Variants in PDPK1 observed in about 807,000 individuals in gnomAD.
PDPK1 encodes the protein 3-phosphoinositide-dependent protein kinase 1.
PDPK1 carries 7 observed loss-of-function variants against 39.8 expected under a neutral mutation model. The ratio of observed to expected loss-of-function variants is 0.18; its 90% CI spans 0.10 to 0.33. The LOEUF (loss-of-function observed/expected upper bound fraction) is 0.33, where lower values mean the gene tolerates loss of function less well. Among genes scored for constraint, PDPK1 ranks in the 10% least tolerant of loss-of-function variants. The pLI is 1.00. For synonymous variants in PDPK1, 118 were observed against 159.1 expected, an observed-to-expected ratio of 0.74 and a Z score of 1.95; for missense variants, 182 against 384.7, an observed-to-expected ratio of 0.47 and a Z score of 4.41.
At chr16:2,589,189 C>T (rs954210967) in intron 11 of PDPK1, among the ~76,000 whole-genome samples, 3 of 152,162 alleles carry the variant, frequency 2.0e-5, no homozygotes, top group Non-Finnish European at 4.4e-5. Flanking sequence ...CTCCTGACCT[C>T]GAGTGATCTG....
At chr16:2,587,475 T>A (rs2141994792) in intron 11 of PDPK1, among the ~76,000 whole-genome samples, 1 of 152,338 alleles carries the variant, frequency 6.6e-6, no homozygotes, top group South Asian at 2.1e-4. Context: ...TTTTTTGAGG[T>A]ACTTTGTGTC....
intron 1 of PDPK1, among the ~76,000 whole-genome samples, chr16:2,544,390 G>T (rs544572248): frequency 2.0e-5 from 3 of 152,334 alleles, no homozygotes; most frequent in East Asian, 1.9e-4. Context: ...GGTGAATAAG[G>T]TAGGTCTGGC....
intron 11 of PDPK1, chr16:2,592,892 C>T (rs774042653): frequency 1.2e-4 from 53 of 456,452 alleles, no homozygotes; most frequent in Middle Eastern, 9.7e-4. Context: ...GGGTGGGTGG[C>T]GCCTGTCCGT....
At position 2,598,075 on chromosome 16, in the gene PDPK1, G is replaced by C; in HGVS notation, c.*308G>C. On this transcript the variant is annotated 3_prime_UTR_variant, in exon 14 of 14. Transcript: ENST00000342085. ...ATGCACGTCAACCCAGTCCCGCCCA[G>C]ACTAGTGGACAGACCTGGTGTCACC... 1 of 439,884 alleles carries C rather than the reference G, an allele frequency of 2.3e-6. No individual in the cohort carries two copies. The highest frequency in any genetic ancestry group is 4.1e-6 in the Non-Finnish European group (1 of 242,324). The allele number at this position is 439,884 out of a possible 1,614,324, so 27.2% of individuals were successfully genotyped here.
intron 7 of PDPK1, among the ~76,000 whole-genome samples, chr16:2,577,755 T>C (rs1185711852): frequency 1.3e-5 from 2 of 149,878 alleles, no homozygotes; most frequent in South Asian, 2.1e-4. Flanking sequence ...TTTTTTGTTT[T>C]TTGAGACGGA....
chr16:2,594,951 C>G (rs986556325), intron 11 of PDPK1, among the ~76,000 whole-genome samples: 2 of 152,102 alleles, frequency 1.3e-5, no homozygotes, highest in African/African-American at 4.8e-5. Context: ...GAAACCCCGT[C>G]TCTACTAAAG....
intron 1 of PDPK1, among the ~76,000 whole-genome samples, chr16:2,545,073 G>A (rs1164062283): frequency 7.1e-6 from 1 of 141,264 alleles, no homozygotes; most frequent in Non-Finnish European, 1.5e-5. Context: ...ATCTCGTGCT[G>A]TTGCCCAGGC....
At chr16:2,592,498 A>G in intron 11 of PDPK1, 1 of 323,192 alleles carries the variant, frequency 3.1e-6, no homozygotes, top group South Asian at 2.4e-5. Flanking sequence ...ACATGGTGAA[A>G]CCCTGTCTCT....
At chr16:2,596,641 A>T (rs1419425675) in intron 12 of PDPK1, among the ~76,000 whole-genome samples, 1 of 152,224 alleles carries the variant, frequency 6.6e-6, no homozygotes, top group African/African-American at 2.4e-5. Flanking sequence ...CTACAGTAGA[A>T]CGTCAGATCA....
intron 11 of PDPK1, chr16:2,592,933 G>A (rs775545190): frequency 1.3e-5 from 6 of 456,720 alleles, no homozygotes; most frequent in South Asian, 9.3e-5. Context: ...CGTGGTGCTG[G>A]CGTGTTCTGT....
chr16:2,595,463 G>A (rs2067081544), intron 11 of PDPK1, among the ~76,000 whole-genome samples: 1 of 152,204 alleles, frequency 6.6e-6, no homozygotes, highest in Non-Finnish European at 1.5e-5. Context: ...GCTTTGTTAA[G>A]GCAGCAATGA....
rs963753162 is a variant in PDPK1, at chr16:2,596,035, G to A, written c.1401+185G>A. 1.7e-4 allele frequency among the ~76,000 whole-genome samples: 26 copies of A among 152,218 alleles called. 1 individual carries two copies. The highest frequency in any genetic ancestry group is 2.4e-5 in the African/African-American group (1 of 41,448). On this transcript the variant is annotated intron_variant, in intron 12 of 13. Coordinates refer to ENST00000342085, the MANE Select transcript of PDPK1 (RefSeq NM_002613.5). ...AGAGAAGCCATGTGGAGCCACACGCGTAGGCGGTTAGGGCAGTGCAGAAGC... is the reference window on the plus strand; with the variant it reads ...AGAGAAGCCATGTGGAGCCACACGCATAGGCGGTTAGGGCAGTGCAGAAGC...
intron 1 of PDPK1, chr16:2,538,596 T>C (rs1202173101): frequency 3.1e-6 from 4 of 1,288,290 alleles, no homozygotes; most frequent in Non-Finnish European, 4.0e-6. Flanking sequence ...AAGCACCTGA[T>C]GCTCCTGGGC....
At position 2,599,147 on chromosome 16, in the gene PDPK1, T is replaced by C. The variant is rs967816457; in HGVS notation, c.*1380T>C. 9 of 233,128 alleles carry C rather than the reference T, an allele frequency of 3.9e-5. No individual in the cohort carries two copies. In the East Asian group the frequency reaches 5.4e-4, roughly 14 times the overall value. 14.4% of individuals were successfully genotyped at this position (233,128 alleles called of 1,614,324 possible). A position where few individuals can be genotyped will look rare whatever the true frequency, so the allele number is the denominator to read the frequency against. ...GCCTAGCTACTCCCCAGGTAGAGAG[T>C]GCTCCTGGTGGCCTGGCAGGTCTGG... On this transcript the variant is annotated 3_prime_UTR_variant, in exon 14 of 14. Coordinates refer to ENST00000342085, the MANE Select transcript of PDPK1 (RefSeq NM_002613.5).
intron 12 of PDPK1, among the ~76,000 whole-genome samples, chr16:2,596,584 T>C (rs1318718519): frequency 6.6e-6 from 1 of 152,230 alleles, no homozygotes; most frequent in Non-Finnish European, 1.5e-5. Context: ...TGCTCAGGTA[T>C]TTATTTGGTC....
Position 2,598,046 on chromosome 16 carries a change from C to T in PDPK1, c.*279C>T, listed in dbSNP as rs1196503225. ...TGCCCTCGTTGCCGTGGGGACCCAG[C>T]TCCATGCACGTCAACCCAGTCCCGC... On this transcript the variant is annotated 3_prime_UTR_variant, in exon 14 of 14. Transcript: ENST00000342085. 3 of 496,910 alleles carry T rather than the reference C, an allele frequency of 6.0e-6. No individual in the cohort carries two copies. The highest frequency in any genetic ancestry group is 1.1e-5 in the Non-Finnish European group (3 of 275,454). 30.8% of individuals were successfully genotyped at this position (496,910 alleles called of 1,614,324 possible). A position where few individuals can be genotyped will look rare whatever the true frequency, so the allele number is the denominator to read the frequency against.
At chr16:2,558,362 G>C (rs1327437624) in intron 2 of PDPK1, among the ~76,000 whole-genome samples, 165 of 149,130 alleles carry the variant, frequency 1.1e-3, no homozygotes, top group African/African-American at 3.9e-3. Context: ...TATCTCTCCA[G>C]GGTTTTTGGG....
chr16:2,547,254 C>T (rs1221491498), intron 1 of PDPK1, among the ~76,000 whole-genome samples: 1 of 146,698 alleles, frequency 6.8e-6, no homozygotes, highest in Non-Finnish European at 1.5e-5. Context: ...TTCCTGAGGG[C>T]GAGCGCTAGG....
rs1040313092 is a variant in PDPK1, at chr16:2,597,370, G to A, written c.1554+95G>A. 1.4e-5 allele frequency: 16 copies of A among 1,144,746 alleles called. No homozygotes were observed. Among genetic ancestry groups the A allele is most frequent in the South Asian group, 4.5e-5 (3 of 67,038 alleles). The allele number at this position is 1,144,746 out of a possible 1,614,324, so 70.9% of individuals were successfully genotyped here. A position where few individuals can be genotyped will look rare whatever the true frequency, so the allele number is the denominator to read the frequency against. Reference sequence around the variant, plus strand: ...ACAGGCCTTGGCCAGAGGGAGCAGCGGGGATCGGGGCAGCTGCCTCGCCCT... The same window carrying A: ...ACAGGCCTTGGCCAGAGGGAGCAGCAGGGATCGGGGCAGCTGCCTCGCCCT... On this transcript the variant is annotated intron_variant, in intron 13 of 13. Coordinates refer to ENST00000342085, the MANE Select transcript of PDPK1 (RefSeq NM_002613.5). This position sits in a 1 kb window ranked among gnomAD's most constrained non-coding sequence, Gnocchi z 6.3.
Sources: allele counts gnomAD v4.1 joint callset (sites outside exome capture counted in the v4.1 genomes callset), GRCh38; gene constraint gnomAD v4.1.1; non-coding constraint Gnocchi (gnomAD v3.1); transcripts MANE v1.5; gene names NCBI Gene and HGNC (gene_info 2026-07-23, HGNC 2026-07-21).